Variants in UTP18 observed in about 807,000 individuals in gnomAD.
UTP18 encodes UTP18 small subunit processome component.
A neutral mutation model predicts 61.1 loss-of-function variants in UTP18; 36 were observed. The ratio of observed to expected loss-of-function variants is 0.59; its 90% CI spans 0.45 to 0.78. The LOEUF (loss-of-function observed/expected upper bound fraction) is 0.78. Ranked by LOEUF, UTP18 falls within the 30% of genes least tolerant of loss-of-function variation. UTP18 has a pLI of 0.00. For missense variants in UTP18, 753 were observed against 693.9 expected (o/e 1.09, Z -0.96); for synonymous variants, 282 against 251.1 (o/e 1.12, Z -1.16).
In UTP18 at chr17:51,260,660, A is replaced by C; in HGVS notation, c.76A>C (p.Arg26=). Residue 26 remains arginine (R), a synonymous_variant, in exon 1 of 14, where the codon AGG becomes CGG. Transcript: ENST00000225298. ...GAAGCCGAAGCGGAAGCCCGGAATG[A>C]GGCCGGACTGGAAAGCCGGAGCGGG... The part of the protein sequence containing the change: ...GAKPKRKPGM[R]PDWKAGAGPG... 6.2e-7 allele frequency: 1 copy of C among 1,612,204 alleles called. No homozygotes were observed. Among genetic ancestry groups the C allele is most frequent in the Non-Finnish European group, 8.5e-7 (1 of 1,179,596 alleles).
At chr17:51,284,038 A>C (rs1016602521) in intron 9 of UTP18, among the ~76,000 whole-genome samples, 1 of 152,212 alleles carries the variant, frequency 6.6e-6, no homozygotes, top group Non-Finnish European at 1.5e-5. Context: ...TCTTTAAAAC[A>C]CTTTCCTTTA....
Position 51,277,192 on chromosome 17 carries a change from G to A in UTP18, c.900G>A (p.Lys300=). ...SIYLERFPIF[K]ACFSANGEEV... ...ATTTGGAAAGGTTTCCAATCTTTAAGGCTTGTTTTAGTGCTAATGGGGAAG... is the reference window on the plus strand; with the variant it reads ...ATTTGGAAAGGTTTCCAATCTTTAAAGCTTGTTTTAGTGCTAATGGGGAAG... The change falls in exon 7 of 14, where the codon AAG becomes AAA. Residue 300 remains lysine, a synonymous_variant. Coordinates refer to ENST00000225298, the MANE Select transcript of UTP18 (RefSeq NM_016001.3). 6 of 1,614,152 alleles carry A rather than the reference G, an allele frequency of 3.7e-6. No individual in the cohort carries two copies. The highest frequency in any genetic ancestry group is 5.1e-6 in the Non-Finnish European group (6 of 1,180,026).
chr17:51,277,419 A>G (rs1904768142), intron 7 of UTP18, 115 bp downstream of exon 7: 1 of 1,211,148 alleles, frequency 8.3e-7, no homozygotes, highest in African/African-American at 1.5e-5. Flanking sequence ...GAGTTTCTTT[A>G]GGTATAGTGT....
At chr17:51,278,213 G>A (rs555265449) in intron 7 of UTP18, among the ~76,000 whole-genome samples, 1 of 152,206 alleles carries the variant, frequency 6.6e-6, no homozygotes, top group South Asian at 2.1e-4. Context: ...AAATGTGCAC[G>A]TGAATCACCT....
At chr17:51,285,113 G>C (rs1221479927) in intron 9 of UTP18, 132 bp from the exon 10 acceptor site, 11 of 893,604 alleles carry the variant, frequency 1.2e-5, no homozygotes, top group Non-Finnish European at 1.8e-5. Flanking sequence ...CAGTTTTCCA[G>C]AACTAGGAGG....
chr17:51,284,810 C>T (rs1355264658), intron 9 of UTP18, among the ~76,000 whole-genome samples: 4 of 152,074 alleles, frequency 2.6e-5, no homozygotes, highest in Non-Finnish European at 5.9e-5. Context: ...CCTGTAATCC[C>T]AGCAGTTTGG....
At chr17:51,295,341 T>C (rs62060092) in intron 12 of UTP18, among the ~76,000 whole-genome samples, 24,962 of 152,048 alleles carry the variant, frequency 0.16, 2,289 homozygotes, top group Admixed American at 0.24. Context: ...AGGTCTAACA[T>C]GTAAGTCTTT....
chr17:51,294,884 T>C (rs1224014500), intron 12 of UTP18, among the ~76,000 whole-genome samples: 2 of 152,240 alleles, frequency 1.3e-5, no homozygotes, highest in Non-Finnish European at 2.9e-5. Context: ...GACTTTTTAA[T>C]GATCGCCATT....
Position 51,267,653 on chromosome 17 carries a change from A to G in UTP18, c.555-1184A>G, listed in dbSNP as rs1174862996. ...TAGAATTCAATTACGTATTTTGGTG[A>G]GGAGTATCTTAAGATGATGTGTACC... On this transcript the variant is annotated intron_variant, in intron 3 of 13. Transcript: ENST00000225298. Among the ~76,000 whole-genome samples, 4 of 152,206 alleles carry G rather than the reference A, an allele frequency of 2.6e-5. No homozygotes were observed. The South Asian group carries it at 8.3e-4, about 32-fold the overall frequency.
intron 2 of UTP18, among the ~76,000 whole-genome samples, chr17:51,265,953 A>G (rs1020718665): frequency 6.6e-6 from 1 of 152,146 alleles, no homozygotes; most frequent in African/African-American, 2.4e-5. Context: ...GTCATGATGA[A>G]TTTTCTCAAA....
At position 51,293,990 on chromosome 17, in the gene UTP18, C is replaced by T. The variant is rs1326838088; in HGVS notation, c.1591C>T (p.Pro531Ser). 6.2e-7 allele frequency: 1 copy of T among 1,610,436 alleles called. No homozygotes were observed. Among genetic ancestry groups the T allele is most frequent in the African/African-American group, 1.3e-5 (1 of 74,746 alleles). The change falls in exon 12 of 14, where the codon CCG becomes TCG. Residue 531 changes from proline to serine, a missense_variant. Pro to Ser is a moderately conservative substitution (Grantham distance 74). Transcript: ENST00000225298. ...TCATGTTCATACCATGGATTTTTCT[C>T]CGAGAAGTGGATACTTTGCCTTGGG... ...ISHVHTMDFS[P>S]RSGYFALGNE...
intron 3 of UTP18, 64 bp downstream of exon 3, chr17:51,266,344 G>A (rs1383258700): frequency 2.7e-6 from 3 of 1,129,060 alleles, no homozygotes; most frequent in Non-Finnish European, 3.7e-6. Flanking sequence ...GTCATTAACC[G>A]TAACCGCTTC....
At chr17:51,265,198 G>A (rs2055547680) in intron 2 of UTP18, among the ~76,000 whole-genome samples, 1 of 150,856 alleles carries the variant, frequency 6.6e-6, no homozygotes, top group African/African-American at 2.4e-5. Flanking sequence ...TTTTTTAATA[G>A]TAAGTAGTTA....
chr17:51,297,712 TG>T, intron 13 of UTP18, 69 bp from the exon 14 acceptor site: 1 of 428,864 alleles, frequency 2.3e-6, no homozygotes, highest in South Asian at 1.7e-5. Flanking sequence ...AAGATTACAT[TG>T]CCAGTACGTG....
At chr17:51,284,007 T>C (rs1355003328) in intron 9 of UTP18, among the ~76,000 whole-genome samples, 1 of 152,236 alleles carries the variant, frequency 6.6e-6, no homozygotes, top group Non-Finnish European at 1.5e-5. Flanking sequence ...CTCTTCCCAT[T>C]TTAGTCTACT....
chr17:51,297,064 TG>T, intron 13 of UTP18, 61 bp downstream of exon 13: 1 of 1,410,852 alleles, frequency 7.1e-7, no homozygotes. Flanking sequence ...TGCTGTCAGT[TG>T]GTGGAAGCAG....
intron 4 of UTP18, among the ~76,000 whole-genome samples, chr17:51,272,500 C>T (rs1904561328): frequency 6.6e-6 from 1 of 151,850 alleles, no homozygotes; most frequent in Non-Finnish European, 1.5e-5. Flanking sequence ...GTTATCTTGT[C>T]AATATTTGCC....
chr17:51,283,285 C>G (rs113653008), intron 9 of UTP18, among the ~76,000 whole-genome samples: 3 of 152,010 alleles, frequency 2.0e-5, no homozygotes, highest in African/African-American at 7.2e-5. Context: ...TCTCCTGCCT[C>G]AGCCTCCTGG....
rs1394904038 is a variant in UTP18 at position 51,260,633 on chromosome 17, GCGAAGC to G, written c.56_61del (p.Pro19_Lys20del). On this transcript the variant is annotated inframe_deletion, in exon 1 of 14. Coordinates refer to ENST00000225298, the MANE Select transcript of UTP18 (RefSeq NM_016001.3). ...AATGAAACTGGACCGGAGAACCGGA[GCGAAGC>G]CGAAGCGGAAGCCCGGAATGAGGCC... The G allele has an allele frequency of 6.2e-6, 10 of 1,612,568 alleles. No homozygotes were observed. The highest frequency in any genetic ancestry group is 1.3e-5 in the African/African-American group (1 of 74,908).
Sources: gnomAD v4.1 joint callset for allele counts (sites outside exome capture counted in the v4.1 genomes callset) on GRCh38, gnomAD v4.1.1 for gene constraint, MANE v1.5 for transcripts, NCBI Gene and HGNC (gene_info 2026-07-23, HGNC 2026-07-21) for gene names.